Variants in CPSF4L observed in about 807,000 individuals in gnomAD.
The protein encoded by CPSF4L is cleavage and polyadenylation specific factor 4 like, also known as putative cleavage and polyadenylation specificity factor subunit 4-like protein.
CPSF4L carries 18 observed loss-of-function variants against 24.0 expected under a neutral mutation model. That is an observed-to-expected ratio of 0.75 (90% confidence interval 0.52 to 1.11). The LOEUF (loss-of-function observed/expected upper bound fraction) is 1.11. Ranked by LOEUF, CPSF4L falls within the 50% of genes least tolerant of loss-of-function variation. The pLI is 0.00. For synonymous variants in CPSF4L, 72 were observed against 77.2 expected (o/e 0.93, Z 0.35); for missense variants, 211 against 221.8 (o/e 0.95, Z 0.31).
At chr17:73,259,873 A>C (rs1193628326) in intron 2 of CPSF4L, among the ~76,000 whole-genome samples, 1 of 152,158 alleles carries the variant, frequency 6.6e-6, no homozygotes, top group Non-Finnish European at 1.5e-5. Flanking sequence ...TCTTAACCTA[A>C]ATGTATAGGC....
Position 73,251,221 on chromosome 17 carries a change from A to G in CPSF4L, c.497+1409T>C, listed in dbSNP as rs2145274723. The G allele has an allele frequency of 4.1e-6, 5 of 1,223,994 alleles. No homozygotes were observed. In the East Asian group the frequency reaches 1.4e-4, roughly 34 times the overall value. 75.8% of individuals were successfully genotyped at this position (1,223,994 alleles called of 1,614,324 possible). Reference sequence around the variant, plus strand: ...ATTTAGGGTGAAACCAGGGTTCAAGATGCCTTTAGTTACAGTTTTAAGTGC... The same window carrying G: ...ATTTAGGGTGAAACCAGGGTTCAAGGTGCCTTTAGTTACAGTTTTAAGTGC... On this transcript the variant is annotated intron_variant, in intron 5 of 5. Transcript: ENST00000344935.
At chr17:73,246,947 C>G (rs1249096412), downstream of CPSF4L, among the ~76,000 whole-genome samples, 1 of 152,164 alleles carries the variant, frequency 6.6e-6, no homozygotes, top group African/African-American at 2.4e-5. Context: ...TGTCCTTACT[C>G]AAGACCAGAA....
chr17:73,257,848 G>A lies in CPSF4L; in HGVS notation c.155-15C>T. ...GCAGAGTTTCCCTGGAGATGCCAGA[G>A]CACCTGGCTGGGAGGCCCCTCATCC... On this transcript the variant is annotated splice_polypyrimidine_tract_variant and intron_variant, in intron 2 of 5. Transcript: ENST00000344935. 6.4e-7 allele frequency: 1 copy of A among 1,550,888 alleles called. No individual in the cohort carries two copies. Among genetic ancestry groups the A allele is most frequent in the Non-Finnish European group, 8.7e-7 (1 of 1,146,780 alleles).
Position 73,254,606 on chromosome 17 carries a change from G to A in CPSF4L, c.308-580C>T, listed in dbSNP as rs143314295. 2.6e-5 allele frequency among the ~76,000 whole-genome samples: 4 copies of A among 152,254 alleles called. No individual in the cohort carries two copies. In the East Asian group the frequency reaches 7.7e-4, roughly 29 times the overall value. ...CTCAGGTTTAGTTTATTTCCTACAG[G>A]GAGCCAGCCCAGTAGGCCCAGGCTA... On this transcript the variant is annotated intron_variant, in intron 3 of 5. Transcript: ENST00000344935.
At chr17:73,260,045 A>G (rs1031076800) in intron 2 of CPSF4L, among the ~76,000 whole-genome samples, 4 of 152,148 alleles carry the variant, frequency 2.6e-5, no homozygotes, top group African/African-American at 9.7e-5. Context: ...ATTTGGGGAG[A>G]GGGGCCTAGG....
At chr17:73,245,334 G>T, downstream of CPSF4L, 1 of 1,388,008 alleles carries the variant, frequency 7.2e-7, no homozygotes, top group East Asian at 2.7e-5. Context: ...AAAATTATTG[G>T]AATCTAAAAT....
chr17:73,243,075 GAATTTTT>G, the CPSF4L span: 5 of 1,015,080 alleles, frequency 4.9e-6, 1 homozygote, highest in Non-Finnish European at 7.1e-6. Context: ...GGGATTCTCT[GAATTTTT>G]TTTTTTTTTT....
At chr17:73,249,230 G>A (rs1373773855) in intron 5 of CPSF4L, among the ~76,000 whole-genome samples, 1 of 152,174 alleles carries the variant, frequency 6.6e-6, no homozygotes, top group Non-Finnish European at 1.5e-5. Flanking sequence ...AACCTTGAAC[G>A]GAGGAAGAGA....
At chr17:73,250,940 C>A in intron 5 of CPSF4L, 1 of 1,469,190 alleles carries the variant, frequency 6.8e-7, no homozygotes, top group Non-Finnish European at 9.1e-7. Context: ...CTCAGCCAAG[C>A]ACTAGCCCAG....
chr17:73,259,000 C>G (rs184557512), intron 2 of CPSF4L, among the ~76,000 whole-genome samples: 38 of 152,030 alleles, frequency 2.5e-4, no homozygotes, highest in African/African-American at 8.2e-4. Context: ...TCAAGTCTGC[C>G]TTGCTATTAG....
chr17:73,258,253 G>T (rs2062031312), intron 2 of CPSF4L, among the ~76,000 whole-genome samples: 1 of 151,826 alleles, frequency 6.6e-6, no homozygotes, highest in South Asian at 2.1e-4. Flanking sequence ...CTTGTGATCT[G>T]CCCACCTCGG....
rs1475484208 is a variant in CPSF4L, at chr17:73,261,721, A to C, written c.98T>G (p.Met33Arg). The change falls in exon 1 of 6, where the codon ATG (methionine) becomes AGG (arginine). Residue 33 changes from methionine to arginine, a missense_variant. Physicochemically the swap from Met to Arg is moderately conservative, Grantham distance 91. Coordinates refer to ENST00000344935, the MANE Select transcript of CPSF4L (RefSeq NM_001129885.1). The stretch of plus-strand genomic sequence containing the variant: ...GTGGCCCCACCCTCACTCACTGTCC[A>C]TGCCCTGGAAAGGCAGGAGCCCAGT... ...KGTGLLPFQG[M>R]DKSASAVCNF... 6.5e-7 allele frequency: 1 copy of C among 1,549,194 alleles called. No homozygotes were observed. Among genetic ancestry groups the C allele is most frequent in the Non-Finnish European group, 8.7e-7 (1 of 1,144,880 alleles).
At position 73,252,999 on chromosome 17, in the gene CPSF4L, G is replaced by A. The variant is rs537583823; in HGVS notation, c.404-276C>T. ...TGTCACTGACATGCTGTGTCCTGGA[G>A]GACTGCATGGATATGAACCACACTT... On this transcript the variant is annotated intron_variant, in intron 4 of 5. Transcript: ENST00000344935. 1.6e-4 allele frequency among the ~76,000 whole-genome samples: 3 copies of A among 18,796 alleles called. No homozygotes were observed. In the South Asian group the frequency reaches 2.6e-3, roughly 16 times the overall value. The allele number at this position is 18,796 out of a possible 152,430, so 12.3% of individuals were successfully genotyped here.
intron 3 of CPSF4L, among the ~76,000 whole-genome samples, chr17:73,255,821 T>A (rs1440008726): frequency 6.6e-6 from 1 of 152,132 alleles, no homozygotes; most frequent in African/African-American, 2.4e-5. Context: ...TGGTTGCCGT[T>A]CTGCTGCGTG....
intron 1 of CPSF4L, 66 bp downstream of exon 1, chr17:73,261,650 G>T (rs1440047576): frequency 7.2e-6 from 8 of 1,115,740 alleles, no homozygotes; most frequent in South Asian, 1.3e-5. Flanking sequence ...TACAGAGCGA[G>T]ACTCCGTCTC....
chr17:73,258,204 G>T (rs915575266), intron 2 of CPSF4L, among the ~76,000 whole-genome samples: 1 of 152,062 alleles, frequency 6.6e-6, no homozygotes, highest in Non-Finnish European at 1.5e-5. Context: ...TAGAGACAGG[G>T]TTTCACCGTG....
intron 5 of CPSF4L, among the ~76,000 whole-genome samples, chr17:73,249,529 G>T (rs1382718227): frequency 6.6e-6 from 1 of 152,100 alleles, no homozygotes; most frequent in Non-Finnish European, 1.5e-5. Flanking sequence ...CCTGACTGGG[G>T]ACTCCAGCTC....
chr17:73,260,576 G>A (rs2062041322), intron 2 of CPSF4L, among the ~76,000 whole-genome samples: 1 of 152,116 alleles, frequency 6.6e-6, no homozygotes, highest in Non-Finnish European at 1.5e-5. Flanking sequence ...AGACCCGCCT[G>A]GCCAACATGA....
downstream of CPSF4L, among the ~76,000 whole-genome samples, chr17:73,246,606 T>C (rs1016122095): frequency 6.6e-6 from 1 of 152,182 alleles, no homozygotes; most frequent in Admixed American, 6.5e-5. Context: ...TTCTCTCTCT[T>C]CTCAAAGCTG....
Sources: allele counts gnomAD v4.1 joint callset (sites outside exome capture counted in the v4.1 genomes callset), GRCh38; gene constraint gnomAD v4.1.1; transcripts MANE v1.5; gene names NCBI Gene and HGNC (gene_info 2026-07-23, HGNC 2026-07-21).